The following STAT4 variants were observed in gnomAD, a reference collection of about 807,000 sequenced individuals.
The protein encoded by STAT4 is signal transducer and activator of transcription 4.
Under a neutral mutation model 110.5 loss-of-function variants are expected in STAT4, and 42 were observed. The observed-to-expected ratio is 0.38, with a 90% CI of 0.30 to 0.49. STAT4 has a LOEUF of 0.49. Among genes scored for constraint, STAT4 ranks in the 20% least tolerant of loss-of-function variants. STAT4 has a pLI of 0.95. For missense variants in STAT4, 632 were observed against 887.9 expected (o/e 0.71, Z 3.66); for synonymous variants, 284 against 302.2 (o/e 0.94, Z 0.63).
intron 14 of STAT4, among the ~76,000 whole-genome samples, chr2:191,047,712 C>T (rs543132942): frequency 1.3e-5 from 2 of 152,312 alleles, no homozygotes; most frequent in South Asian, 4.1e-4. Context: ...GTCACCCAGG[C>T]AGGAGTGCAG....
intron 14 of STAT4, among the ~76,000 whole-genome samples, chr2:191,047,655 T>C (rs1696386903): frequency 6.6e-6 from 1 of 152,078 alleles, no homozygotes; most frequent in South Asian, 2.1e-4. Flanking sequence ...CATTCCAGCC[T>C]CTATAGTTTA....
In STAT4 at chr2:191,057,979, G is replaced by T. The variant is rs750322968; in HGVS notation, c.1206+39C>A. ...GTATTAGTAAAGATGTCTGATTTTG[G>T]GGAAAAAAAAGCCTGTTTAACTTTA... On this transcript the variant is annotated intron_variant, in intron 13 of 23. Coordinates refer to ENST00000392320, the MANE Select transcript of STAT4 (RefSeq NM_003151.4). The T allele has an allele frequency of 6.0e-6, 9 of 1,505,898 alleles. No individual in the cohort carries two copies. The South Asian group carries it at 1.0e-4, about 17-fold the overall frequency. 93.3% of individuals were successfully genotyped at this position (1,505,898 alleles called of 1,614,324 possible).
At position 191,053,498 on chromosome 2, in the gene STAT4, G is replaced by C. The variant is rs955902279; in HGVS notation, c.1251+992C>G. Among the ~76,000 whole-genome samples, 1 of 152,132 alleles carries C rather than the reference G, an allele frequency of 6.6e-6. No homozygotes were observed. The highest frequency in any genetic ancestry group is 1.5e-5 in the Non-Finnish European group (1 of 68,030). ...GGTCAGCTCAATAGATGTTCTCCAAGGTCATGTCCAGTTCATGATTTGACT... is the reference window on the plus strand; with the variant it reads ...GGTCAGCTCAATAGATGTTCTCCAACGTCATGTCCAGTTCATGATTTGACT... On this transcript the variant is annotated intron_variant, in intron 14 of 23. Transcript: ENST00000392320. This position sits in a 1 kb window ranked among gnomAD's most constrained non-coding sequence, Gnocchi z 4.5.
chr2:191,030,888 G>A lies in STAT4; in HGVS notation c.2220+84C>T. 3.2e-6 allele frequency: 4 copies of A among 1,252,380 alleles called. No homozygotes were observed. The highest frequency in any genetic ancestry group is 1.2e-6 in the Non-Finnish European group (1 of 858,462). The allele number at this position is 1,252,380 out of a possible 1,614,324, so 77.6% of individuals were successfully genotyped here. ...AATGTGTTTTCTCCCTACCCAGGCA[G>A]TATTTCAGCCCCTTTGATTCACACA... On this transcript the variant is annotated intron_variant, in intron 23 of 23. Transcript: ENST00000392320. The surrounding 1 kb of genome is among the most constrained non-coding windows in gnomAD (Gnocchi z 4.4).
rs562437007 is a variant in STAT4 at position 191,050,886 on chromosome 2, AG to A, written c.1251+3603del. ...TTCTTGGGTAATCTCAAACAGTCAC[AG>A]GGTGCTGCAAATCTAGGGAGGTCTG... On this transcript the variant is annotated intron_variant, in intron 14 of 23. Transcript: ENST00000392320. The surrounding 1 kb of genome is among the most constrained non-coding windows in gnomAD (Gnocchi z 4.3). Among the ~76,000 whole-genome samples the A allele has an allele frequency of 1.2e-4, 18 of 152,364 alleles. No homozygotes were observed. In the East Asian group the frequency reaches 3.3e-3, roughly 28 times the overall value.
In STAT4 at chr2:191,101,904, A is replaced by T. The variant is rs73981275; in HGVS notation, c.274-25579T>A. Among the ~76,000 whole-genome samples, 1,433 of 152,194 alleles carry T rather than the reference A, an allele frequency of 9.4e-3. 28 individuals carry two copies. Among genetic ancestry groups the T allele is most frequent in the African/African-American group, 0.033 (1,355 of 41,534 alleles). ...ATGTCCTTAGGACTAAATTAATGTC[A>T]GCTATTGTATCTCATTTCTATTTTA... is the stretch of plus-strand genomic sequence containing the variant. On this transcript the variant is annotated intron_variant, in intron 3 of 23. Coordinates refer to ENST00000392320, the MANE Select transcript of STAT4 (RefSeq NM_003151.4).
chr2:191,146,380 C>T lies in STAT4; in HGVS notation c.273+233G>A, dbSNP rs12611944. Reference sequence around the variant, plus strand: ...GTAAACAAGATACATGCAAGTCCCACATGCAACACACTTGTAATGTATTTT... The same window carrying T: ...GTAAACAAGATACATGCAAGTCCCATATGCAACACACTTGTAATGTATTTT... On this transcript the variant is annotated intron_variant, in intron 3 of 23. Coordinates refer to ENST00000392320, the MANE Select transcript of STAT4 (RefSeq NM_003151.4). The surrounding 1 kb of genome is among the most constrained non-coding windows in gnomAD (Gnocchi z 4.5). Among the ~76,000 whole-genome samples, 1,160 of 152,266 alleles carry T rather than the reference C, an allele frequency of 7.6e-3. 29 individuals are homozygous for T. The East Asian group carries it at 0.083, about 11-fold the overall frequency.
chr2:191,096,609 G>A (rs1697989773), intron 3 of STAT4, among the ~76,000 whole-genome samples: 1 of 152,098 alleles, frequency 6.6e-6, no homozygotes, highest in Non-Finnish European at 1.5e-5. Flanking sequence ...AGGTATTGAT[G>A]GAATGTATCT....
At chr2:191,045,996 C>T (rs1318762354) in intron 14 of STAT4, among the ~76,000 whole-genome samples, 1 of 152,152 alleles carries the variant, frequency 6.6e-6, no homozygotes, top group Admixed American at 6.5e-5. Context: ...AGTATAGGCA[C>T]CAAGAAGGTG....
chr2:191,146,997 A>G lies in STAT4; in HGVS notation c.129-240T>C, dbSNP rs1699479352. Reference sequence around the variant, plus strand: ...TAGGGTGGCTATTATAAAAAGGAAAAGAAAAAACAGAAAATGAGTGTTGGT... The same window carrying G: ...TAGGGTGGCTATTATAAAAAGGAAAGGAAAAAACAGAAAATGAGTGTTGGT... On this transcript the variant is annotated intron_variant, in intron 2 of 23. Transcript: ENST00000392320. This position sits in a 1 kb window ranked among gnomAD's most constrained non-coding sequence, Gnocchi z 4.5. 6.6e-6 allele frequency among the ~76,000 whole-genome samples: 1 copy of G among 152,232 alleles called. No individual in the cohort carries two copies. The highest frequency in any genetic ancestry group is 2.4e-5 in the African/African-American group (1 of 41,464).
At chr2:191,141,463 ATGTATAT>A (rs1444908819) in intron 3 of STAT4, among the ~76,000 whole-genome samples, 19 of 140,564 alleles carry the variant, frequency 1.4e-4, no homozygotes, top group East Asian at 6.0e-4. Flanking sequence ...ATATATACAT[ATGTATAT>A]CACATACATA....
rs1417545322 is a variant in STAT4 at position 191,138,091 on chromosome 2, A to G, written c.273+8522T>C. Among the ~76,000 whole-genome samples the G allele has an allele frequency of 1.8e-4, 28 of 152,216 alleles. No homozygotes were observed. Among genetic ancestry groups the G allele is most frequent in the Admixed American group, 1.8e-3 (28 of 15,286 alleles). ...GAGACAATCTGCTGAATGGGAGAAA[A>G]TATTTGCAAACTATTCATCTGACAA... On this transcript the variant is annotated intron_variant, in intron 3 of 23. Coordinates refer to ENST00000392320, the MANE Select transcript of STAT4 (RefSeq NM_003151.4). This position sits in a 1 kb window ranked among gnomAD's most constrained non-coding sequence, Gnocchi z 4.3.
chr2:191,122,890 G>A (rs1235802929), intron 3 of STAT4, among the ~76,000 whole-genome samples: 2 of 152,266 alleles, frequency 1.3e-5, no homozygotes, highest in African/African-American at 4.8e-5. Flanking sequence ...TTCTACATCT[G>A]GAACTGGTGG....
At position 191,116,948 on chromosome 2, in the gene STAT4, G is replaced by A. The variant is rs543710564; in HGVS notation, c.273+29665C>T. Among the ~76,000 whole-genome samples, 2 of 152,146 alleles carry A rather than the reference G, an allele frequency of 1.3e-5. No homozygotes were observed. The highest frequency in any genetic ancestry group is 4.8e-5 in the African/African-American group (2 of 41,442). On this transcript the variant is annotated intron_variant, in intron 3 of 23. Transcript: ENST00000392320. The surrounding 1 kb of genome is among the most constrained non-coding windows in gnomAD (Gnocchi z 4.1). The stretch of plus-strand genomic sequence containing the variant: ...ATATCCCTCCCGTTGGAGTGGCAAA[G>A]AATAATGAAATATACGTGAGATCTC...
intron 3 of STAT4, among the ~76,000 whole-genome samples, chr2:191,118,920 G>GGCTAAGT (rs1698643456): frequency 6.6e-6 from 1 of 152,012 alleles, no homozygotes; most frequent in Non-Finnish European, 1.5e-5. Context: ...CACCACGCCT[G>GGCTAAGT]GCTAAGTTTT....
Position 191,033,673 on chromosome 2 carries a change from C to T in STAT4, c.1716-47G>A. The T allele has an allele frequency of 6.3e-7, 1 of 1,590,264 alleles. No individual in the cohort carries two copies. The highest frequency in any genetic ancestry group is 1.2e-5 in the South Asian group (1 of 86,830). ...TTTCATCTGATCATTATTGGATTTTCACTTATTGCATTTACAAAGACCTAC... is the reference window on the plus strand; with the variant it reads ...TTTCATCTGATCATTATTGGATTTTTACTTATTGCATTTACAAAGACCTAC... On this transcript the variant is annotated intron_variant, in intron 19 of 23. Coordinates refer to ENST00000392320, the MANE Select transcript of STAT4 (RefSeq NM_003151.4). This position sits in a 1 kb window ranked among gnomAD's most constrained non-coding sequence, Gnocchi z 6.9.
rs1363258692 is a variant in STAT4 at position 191,033,188 on chromosome 2, T to G, written c.1853-39A>C. 6.3e-7 allele frequency: 1 copy of G among 1,587,336 alleles called. No individual in the cohort carries two copies. Among genetic ancestry groups the G allele is most frequent in the Non-Finnish European group, 8.6e-7 (1 of 1,164,542 alleles). On this transcript the variant is annotated intron_variant, in intron 20 of 23. Coordinates refer to ENST00000392320, the MANE Select transcript of STAT4 (RefSeq NM_003151.4). This position sits in a 1 kb window ranked among gnomAD's most constrained non-coding sequence, Gnocchi z 6.9. ...AATTGGAGAAATATACAGGTTCCTG[T>G]ACACATTCCTTGTGACCATTTCTTC...
Position 191,082,838 on chromosome 2 carries a change from A to G in STAT4, c.274-6513T>C, listed in dbSNP as rs151285769. Among the ~76,000 whole-genome samples the G allele has an allele frequency of 3.4e-4, 52 of 152,342 alleles. No individual in the cohort carries two copies. The East Asian group carries it at 9.1e-3, about 27-fold the overall frequency. On this transcript the variant is annotated intron_variant, in intron 3 of 23. Transcript: ENST00000392320. The surrounding 1 kb of genome is among the most constrained non-coding windows in gnomAD (Gnocchi z 4.7). ...TTCATACAGGCGACATGGAGCCTGA[A>G]ACTTCACAATTAGGAATTCACTCCT...
intron 3 of STAT4, among the ~76,000 whole-genome samples, chr2:191,130,739 T>C (rs181085213): frequency 1.1e-4 from 16 of 151,880 alleles, no homozygotes; most frequent in Admixed American, 1.0e-3. Flanking sequence ...TTTCTTTTAA[T>C]TTGTGGTGAG....
Sources: gnomAD v4.1 joint callset for allele counts (sites outside exome capture counted in the v4.1 genomes callset) on GRCh38, gnomAD v4.1.1 for gene constraint, Gnocchi (gnomAD v3.1) non-coding constraint, MANE v1.5 for transcripts, NCBI Gene and HGNC (gene_info 2026-07-23, HGNC 2026-07-21) for gene names.